CTNNA2: variants seen among roughly 807,000 people sequenced by gnomAD.
CTNNA2 encodes the protein catenin alpha-2.
Under a neutral mutation model 101.0 loss-of-function variants are expected in CTNNA2, and 42 were observed. The observed-to-expected ratio is 0.42, with a 90% CI of 0.32 to 0.54. The LOEUF is 0.54. Ranked by LOEUF, CTNNA2 falls within the 20% of genes least tolerant of loss-of-function variation. The pLI, the probability that CTNNA2 is intolerant of heterozygous loss-of-function variation, is 0.14. For synonymous variants in CTNNA2, 450 were observed against 456.4 expected, an observed-to-expected ratio of 0.99 and a Z score of 0.18; for missense variants, 871 against 1,223.1, an observed-to-expected ratio of 0.71 and a Z score of 4.29.
chr2:80,602,489 G>T (rs1382533160), intron 15 of CTNNA2, among the ~76,000 whole-genome samples: 1 of 152,020 alleles, frequency 6.6e-6, no homozygotes, highest in Non-Finnish European at 1.5e-5. Context: ...AATGGGTTAA[G>T]ATGAAGTTAC....
intron 1 of CTNNA2, among the ~76,000 whole-genome samples, chr2:79,585,177 A>G (rs531912607): frequency 3.5e-4 from 53 of 152,166 alleles, no homozygotes; most frequent in African/African-American, 1.2e-3. Context: ...TTCTGTATAT[A>G]TAAAATTTTT....
chr2:79,250,235 A>C (rs967851643), intron 2 of CTNNA2, among the ~76,000 whole-genome samples: 1 of 126,460 alleles, frequency 7.9e-6, no homozygotes, highest in Non-Finnish European at 1.6e-5. Flanking sequence ...TAGCCTATTT[A>C]GGCATTTCTA....
At chr2:79,470,470 G>A (rs763807699) in intron 4 of CTNNA2, among the ~76,000 whole-genome samples, 17 of 152,226 alleles carry the variant, frequency 1.1e-4, no homozygotes, top group Non-Finnish European at 2.1e-4. Flanking sequence ...CAATAATGGA[G>A]CAGCCTGTAT....
intron 6 of CTNNA2, among the ~76,000 whole-genome samples, chr2:79,904,153 A>AT (rs1247986484): frequency 2.0e-5 from 3 of 152,136 alleles, no homozygotes; most frequent in Admixed American, 6.5e-5. Flanking sequence ...TTCTGGAAGT[A>AT]TTTTTTTACT....
intron 2 of CTNNA2, among the ~76,000 whole-genome samples, chr2:79,677,493 G>A (rs764551349): frequency 6.6e-5 from 10 of 152,128 alleles, no homozygotes; most frequent in African/African-American, 1.2e-4. Flanking sequence ...ATGTGGAGTC[G>A]TAATAGGAAA....
chr2:80,147,982 C>A (rs1276988054), intron 7 of CTNNA2, among the ~76,000 whole-genome samples: 1 of 152,192 alleles, frequency 6.6e-6, no homozygotes, highest in Non-Finnish European at 1.5e-5. Context: ...TTACACTGAA[C>A]AAGAATGACA....
At chr2:80,007,616 A>T (rs1558722950) in intron 7 of CTNNA2, among the ~76,000 whole-genome samples, 2 of 152,196 alleles carry the variant, frequency 1.3e-5, no homozygotes, top group East Asian at 3.9e-4. Flanking sequence ...GCCTTTGAAA[A>T]TTTTCTGAGC....
At chr2:79,519,958 G>A (rs1672015924) in intron 1 of CTNNA2, among the ~76,000 whole-genome samples, 1 of 152,186 alleles carries the variant, frequency 6.6e-6, no homozygotes, top group Non-Finnish European at 1.5e-5. Context: ...ATGAAGTAAT[G>A]TTTATTTAAG....
intron 7 of CTNNA2, among the ~76,000 whole-genome samples, chr2:80,227,392 A>G (rs1364115881): frequency 6.6e-6 from 1 of 152,214 alleles, no homozygotes; most frequent in East Asian, 1.9e-4. Context: ...ATCTTCATTT[A>G]TAGATGAAGC....
At chr2:80,125,576 G>C (rs1702066259) in intron 7 of CTNNA2, among the ~76,000 whole-genome samples, 7 of 152,182 alleles carry the variant, frequency 4.6e-5, no homozygotes, top group Admixed American at 4.6e-4. Context: ...GCATAGAGCA[G>C]ATGTCACTAT....
At chr2:80,589,065 C>G (rs548213258) in intron 14 of CTNNA2, among the ~76,000 whole-genome samples, 4 of 152,152 alleles carry the variant, frequency 2.6e-5, no homozygotes, top group African/African-American at 9.6e-5. Context: ...TGCCAGTGCG[C>G]ACGTAGCTTT....
intron 3 of CTNNA2, among the ~76,000 whole-genome samples, chr2:79,332,301 GAAAAA>G (rs3038816): frequency 1.4e-5 from 2 of 144,948 alleles, no homozygotes; most frequent in African/African-American, 5.0e-5. Flanking sequence ...AAAAGAAGAA[GAAAAA>G]AAAAAAAAAG....
chr2:80,355,698 C>T (rs1306331433), intron 7 of CTNNA2, among the ~76,000 whole-genome samples: 2 of 152,128 alleles, frequency 1.3e-5, no homozygotes, highest in South Asian at 2.1e-4. Flanking sequence ...AGCAAAGATG[C>T]TCCGTTGTAT....
At chr2:79,962,173 T>C (rs191691035) in intron 7 of CTNNA2, among the ~76,000 whole-genome samples, 2 of 152,352 alleles carry the variant, frequency 1.3e-5, no homozygotes, top group Non-Finnish European at 2.9e-5. Context: ...AATACCACAA[T>C]TGGCTGGCAA....
At chr2:80,329,890 A>G (rs1257576619) in intron 7 of CTNNA2, among the ~76,000 whole-genome samples, 3 of 152,222 alleles carry the variant, frequency 2.0e-5, no homozygotes, top group Non-Finnish European at 2.9e-5. Context: ...GAAACTTTTC[A>G]ATCTTCTTGT....
rs1040343113 is a variant in CTNNA2 at position 79,305,827 on chromosome 2, C to T, written c.-405-6882C>T. ...TTGGGAGGCTGAGGCAGGTGGATCA[C>T]GAGGTCAGAAGATCGAGACCATCCT... On this transcript the variant is annotated intron_variant, in intron 2 of 21. Transcript: ENST00000466387. 3.3e-5 allele frequency among the ~76,000 whole-genome samples: 5 copies of T among 152,110 alleles called. No individual in the cohort carries two copies. In the South Asian group the frequency reaches 8.3e-4, roughly 25 times the overall value.
At chr2:80,079,847 TA>T (rs371502449) in intron 7 of CTNNA2, among the ~76,000 whole-genome samples, 2 of 86,870 alleles carry the variant, frequency 2.3e-5, no homozygotes, top group African/African-American at 9.2e-5. Context: ...TAAAATAAAA[TA>T]AAATAAAATA....
intron 4 of CTNNA2, among the ~76,000 whole-genome samples, chr2:79,464,456 A>G (rs1670912414): frequency 6.6e-6 from 1 of 152,164 alleles, no homozygotes; most frequent in Admixed American, 6.5e-5. Context: ...GTGGGCATGT[A>G]TCTTTATAGC....
At chr2:79,306,232 C>G (rs77954843) in intron 2 of CTNNA2, among the ~76,000 whole-genome samples, 10,436 of 152,124 alleles carry the variant, frequency 0.069, 481 homozygotes, top group East Asian at 0.13. Flanking sequence ...TTGAGGGATT[C>G]TTGGTCAAAA....
Sources: allele counts gnomAD v4.1 joint callset (sites outside exome capture counted in the v4.1 genomes callset), GRCh38; gene constraint gnomAD v4.1.1; transcripts MANE v1.5; gene names NCBI Gene and HGNC (gene_info 2026-07-23, HGNC 2026-07-21).